The following CA10 variants were observed in gnomAD, a reference collection of about 807,000 sequenced individuals.
The protein encoded by CA10 is carbonic anhydrase 10 (inactive), also known as carbonic anhydrase-related protein 10.
Under a neutral mutation model 44.2 loss-of-function variants are expected in CA10, and 14 were observed. The observed-to-expected ratio is 0.32, with a 90% confidence interval of 0.21 to 0.50. CA10 has a LOEUF of 0.50. Among genes scored for constraint, CA10 ranks in the 20% least tolerant of loss-of-function variants. The pLI is 0.99. For missense variants in CA10, 350 were observed against 409.7 expected (o/e 0.85, Z 1.26); for synonymous variants, 159 against 141.6 (o/e 1.12, Z -0.87).
chr17:51,691,235 C>T (rs1166902945), intron 4 of CA10, among the ~76,000 whole-genome samples: 1 of 152,158 alleles, frequency 6.6e-6, no homozygotes, highest in Non-Finnish European at 1.5e-5. Flanking sequence ...ACATATTCTC[C>T]AACACTTGTT....
intron 3 of CA10, among the ~76,000 whole-genome samples, chr17:51,776,390 A>AT (rs1905821666): frequency 6.6e-6 from 1 of 152,198 alleles, no homozygotes; most frequent in Non-Finnish European, 1.5e-5. Flanking sequence ...AAATAAATAT[A>AT]AAAAATAAAA....
intron 5 of CA10, among the ~76,000 whole-genome samples, chr17:51,652,828 G>T (rs1307132154): frequency 6.6e-6 from 1 of 152,086 alleles, no homozygotes; most frequent in Non-Finnish European, 1.5e-5. Flanking sequence ...TTTCTCTAAT[G>T]ATCTGGCCAA....
chr17:51,805,217 C>T (rs1178469338), intron 3 of CA10, among the ~76,000 whole-genome samples: 1 of 152,198 alleles, frequency 6.6e-6, no homozygotes, highest in East Asian at 1.9e-4. Context: ...GTTTCTGTGC[C>T]TTAGTGAGGG....
intron 2 of CA10, among the ~76,000 whole-genome samples, chr17:51,968,472 A>G (rs1422313872): frequency 6.6e-6 from 1 of 151,934 alleles, no homozygotes; most frequent in Non-Finnish European, 1.5e-5. Context: ...CAAAACAAAA[A>G]CAAAACAGAT....
At chr17:51,856,212 C>A (rs1335534213) in intron 3 of CA10, among the ~76,000 whole-genome samples, 1 of 152,178 alleles carries the variant, frequency 6.6e-6, no homozygotes, top group Non-Finnish European at 1.5e-5. Flanking sequence ...CAAGCATATC[C>A]AATCCTAATG....
intron 2 of CA10, among the ~76,000 whole-genome samples, chr17:52,002,792 G>T (rs755682012): frequency 2.0e-5 from 3 of 151,770 alleles, no homozygotes; most frequent in Non-Finnish European, 2.9e-5. Flanking sequence ...TATAAGCATC[G>T]CAAGAAGCCA....
chr17:52,150,055 T>C (rs189976537), intron 1 of CA10, among the ~76,000 whole-genome samples: 43 of 152,306 alleles, frequency 2.8e-4, no homozygotes, highest in Non-Finnish European at 4.9e-4. Flanking sequence ...CACACTACAC[T>C]CTTTAGTTGT....
At position 51,828,671 on chromosome 17, in the gene CA10, C is replaced by T. The variant is rs185276934; in HGVS notation, c.280-80853G>A. On this transcript the variant is annotated intron_variant, in intron 3 of 8. Transcript: ENST00000451037. ...CAAATATAAAAACTAACTCAAGACA[C>T]TCCAAGAGGAATCAAAGCTTCAAGA... Among the ~76,000 whole-genome samples, 125 of 152,310 alleles carry T rather than the reference C, an allele frequency of 8.2e-4. 1 individual carries two copies. Among genetic ancestry groups the T allele is most frequent in the Middle Eastern group, 3.4e-3 (1 of 294 alleles).
In CA10 at chr17:52,109,101, G is replaced by A. The variant is rs141177755; in HGVS notation, c.62-36708C>T. Among the ~76,000 whole-genome samples the A allele has an allele frequency of 3.7e-3, 565 of 152,248 alleles. 4 individuals carry two copies. The highest frequency in any genetic ancestry group is 0.029 in the South Asian group (138 of 4,820). On this transcript the variant is annotated intron_variant, in intron 1 of 8. Transcript: ENST00000451037. ...CAATTCTCCCCAAATTAATCTGTAA[G>A]TTTATTACAACAGCAACAAAACCAA...
intron 4 of CA10, among the ~76,000 whole-genome samples, chr17:51,699,042 C>G (rs1274849064): frequency 1.3e-5 from 2 of 152,086 alleles, no homozygotes; most frequent in South Asian, 4.1e-4. Context: ...TTTCCTGGGC[C>G]GAGTGTGGTG....
At chr17:51,836,333 G>T (rs894173144) in intron 3 of CA10, among the ~76,000 whole-genome samples, 1 of 152,192 alleles carries the variant, frequency 6.6e-6, no homozygotes, top group African/African-American at 2.4e-5. Flanking sequence ...TTCTTCCAAA[G>T]ACCCCATGAA....
chr17:51,992,936 G>A (rs1009471787), intron 2 of CA10, among the ~76,000 whole-genome samples: 15 of 152,136 alleles, frequency 9.9e-5, no homozygotes, highest in Middle Eastern at 3.4e-3. Flanking sequence ...AAAATTATTC[G>A]CGATAAAATT....
At chr17:51,885,056 A>G (rs1980538094) in intron 3 of CA10, among the ~76,000 whole-genome samples, 1 of 152,306 alleles carries the variant, frequency 6.6e-6, no homozygotes, top group East Asian at 1.9e-4. Context: ...CACATTCACA[A>G]GTATCAGGGA....
At chr17:51,816,444 G>C (rs922896771) in intron 3 of CA10, among the ~76,000 whole-genome samples, 1 of 152,170 alleles carries the variant, frequency 6.6e-6, no homozygotes, top group Non-Finnish European at 1.5e-5. Flanking sequence ...CAGTGGGATT[G>C]CTGGATCATA....
chr17:52,131,290 C>T lies in CA10; in HGVS notation c.61+26436G>A, dbSNP rs536508748. The stretch of plus-strand genomic sequence containing the variant: ...TCTTCTAATATATCTGTCAACAGAG[C>T]ATGGCAACAGTGTTACAAAATTTAA... On this transcript the variant is annotated intron_variant, in intron 1 of 8. Transcript: ENST00000451037. Among the ~76,000 whole-genome samples, 82 of 152,276 alleles carry T rather than the reference C, an allele frequency of 5.4e-4. 1 individual carries two copies. The highest frequency in any genetic ancestry group is 1.9e-3 in the African/African-American group (81 of 41,542).
At chr17:51,952,186 G>A (rs187111988) in intron 2 of CA10, among the ~76,000 whole-genome samples, 2 of 152,260 alleles carry the variant, frequency 1.3e-5, no homozygotes, top group Admixed American at 1.3e-4. Context: ...CCCTCTGCCA[G>A]CAGTGGTATG....
At chr17:51,992,534 G>T (rs1388467775) in intron 2 of CA10, among the ~76,000 whole-genome samples, 2 of 152,072 alleles carry the variant, frequency 1.3e-5, no homozygotes, top group Non-Finnish European at 2.9e-5. Flanking sequence ...TCCATTCTCT[G>T]ATTTCAGGCA....
At chr17:51,756,472 G>GTTTT (rs11452726) in intron 3 of CA10, among the ~76,000 whole-genome samples, 8 of 132,274 alleles carry the variant, frequency 6.0e-5, no homozygotes, top group African/African-American at 1.7e-4. Flanking sequence ...TGAGGTAGTT[G>GTTTT]TTTTTTTTTT....
chr17:51,728,092 A>G (rs1916589752), intron 4 of CA10, among the ~76,000 whole-genome samples: 1 of 152,092 alleles, frequency 6.6e-6, no homozygotes, highest in Non-Finnish European at 1.5e-5. Context: ...AGGTCTTGCT[A>G]TGTTACCTAG....
Sources: gnomAD v4.1 joint callset for allele counts (sites outside exome capture counted in the v4.1 genomes callset) on GRCh38, gnomAD v4.1.1 for gene constraint, MANE v1.5 for transcripts, NCBI Gene and HGNC (gene_info 2026-07-23, HGNC 2026-07-21) for gene names.